PLXDC2: variants seen among roughly 807,000 people sequenced by gnomAD.
PLXDC2 encodes the protein plexin domain-containing protein 2.
A neutral mutation model predicts 68.9 loss-of-function variants in PLXDC2; 40 were observed. The observed-to-expected ratio is 0.58, with a 90% CI of 0.45 to 0.76. The LOEUF is 0.76. PLXDC2 is among the 30% of genes least tolerant of loss of function. PLXDC2 has a pLI of 0.00. For missense variants in PLXDC2, 644 were observed against 661.9 expected, an observed-to-expected ratio of 0.97 and a Z score of 0.30; for synonymous variants, 243 against 234.2, an observed-to-expected ratio of 1.04 and a Z score of -0.34.
intron 1 of PLXDC2, among the ~76,000 whole-genome samples, chr10:19,885,954 A>G (rs1238838953): frequency 6.6e-6 from 1 of 151,954 alleles, no homozygotes; most frequent in Non-Finnish European, 1.5e-5. Flanking sequence ...CAGTATGGCC[A>G]TTTTCATGAT....
At chr10:20,007,615 C>T (rs970618360) in intron 2 of PLXDC2, among the ~76,000 whole-genome samples, 22 of 152,216 alleles carry the variant, frequency 1.4e-4, no homozygotes, top group African/African-American at 4.8e-4. Context: ...AAAAGTGACT[C>T]AGAGATTGGG....
At chr10:20,003,424 C>G (rs1589580237) in intron 2 of PLXDC2, among the ~76,000 whole-genome samples, 1 of 149,168 alleles carries the variant, frequency 6.7e-6, no homozygotes, top group South Asian at 2.2e-4. Context: ...TAATTAGAAA[C>G]AGCATGTTTG....
intron 2 of PLXDC2, among the ~76,000 whole-genome samples, chr10:20,021,954 C>T (rs1044540892): frequency 6.6e-6 from 1 of 152,194 alleles, no homozygotes; most frequent in Non-Finnish European, 1.5e-5. Context: ...ACCTTGGCCT[C>T]CCAAAGTGCT....
rs184149408 is a variant in PLXDC2 at position 19,832,285 on chromosome 10, C to T, written c.112+15094C>T. Among the ~76,000 whole-genome samples, 459 of 152,334 alleles carry T rather than the reference C, an allele frequency of 3.0e-3. 1 individual carries two copies. Among genetic ancestry groups the T allele is most frequent in the African/African-American group, 0.01 (432 of 41,568 alleles). ...GACTTATTGAATAGCCCACAAAGGT[C>T]TATCTTGCATCTAATAAATGCATTG... On this transcript the variant is annotated intron_variant, in intron 1 of 13. Transcript: ENST00000377252.
At chr10:20,011,033 G>GATGAAAATTATTATTTTCAAT (rs1298276422) in intron 2 of PLXDC2, among the ~76,000 whole-genome samples, 2 of 152,190 alleles carry the variant, frequency 1.3e-5, no homozygotes, top group Admixed American at 6.5e-5. Context: ...AACATACTCA[G>GATGAAAATTATTATTTTCAAT]ATGAAAATTA....
chr10:20,101,883 C>T (rs1414475689), intron 4 of PLXDC2, among the ~76,000 whole-genome samples: 2 of 151,884 alleles, frequency 1.3e-5, no homozygotes, highest in African/African-American at 4.8e-5. Context: ...CTGCAACCTC[C>T]ACCTCCCAGG....
In PLXDC2 at chr10:20,219,080, A is replaced by G; in HGVS notation, c.1290A>G (p.Ala430=). 1 of 1,607,846 alleles carries G rather than the reference A, an allele frequency of 6.2e-7. No individual in the cohort carries two copies. Among genetic ancestry groups the G allele is most frequent in the African/African-American group, 1.3e-5 (1 of 74,856 alleles). The change falls in exon 12 of 14, where the codon GCA becomes GCG. Residue 430 remains alanine (A), a synonymous_variant. Transcript: ENST00000377252. ...SLPTEDDTKI[A]LHLKDNGAST... Reference sequence around the variant, plus strand: ...CTCTTCCAGATGATACCAAGATAGCACTACATCTAAAAGATAATGGAGGTA... The same window carrying G: ...CTCTTCCAGATGATACCAAGATAGCGCTACATCTAAAAGATAATGGAGGTA...
At chr10:20,098,912 A>G (rs555287402) in intron 4 of PLXDC2, among the ~76,000 whole-genome samples, 1 of 152,310 alleles carries the variant, frequency 6.6e-6, no homozygotes, top group South Asian at 2.1e-4. Context: ...TTGAAATTAG[A>G]CATCATCCTT....
Position 19,817,146 on chromosome 10 carries a change from G to A in PLXDC2, c.67G>A (p.Asp23Asn). ...GVMLLCHFFT[D>N]QFQFADGKPG... is the part of the protein sequence containing the mutation. ...TATGTTACTTTGCCACTTCTTCACG[G>A]ACCAGTTTCAGTTCGCCGATGGGAA... is the stretch of plus-strand genomic sequence containing the variant. Residue 23 changes from aspartate to asparagine, a missense_variant, in exon 1 of 14, where the codon GAC (aspartate) becomes AAC (asparagine). Transcript: ENST00000377252. 1 of 1,576,618 alleles carries A rather than the reference G, an allele frequency of 6.3e-7. No individual in the cohort carries two copies. The highest frequency in any genetic ancestry group is 1.1e-5 in the South Asian group (1 of 87,026).
intron 1 of PLXDC2, among the ~76,000 whole-genome samples, chr10:19,926,796 G>A (rs746214377): frequency 6.6e-5 from 10 of 152,164 alleles, no homozygotes; most frequent in Non-Finnish European, 1.2e-4. Flanking sequence ...ATGTGGTGTA[G>A]CAATGAGATG....
At chr10:20,276,332 C>T (rs139275195) in intron 13 of PLXDC2, among the ~76,000 whole-genome samples, 28 of 152,230 alleles carry the variant, frequency 1.8e-4, no homozygotes, top group South Asian at 6.2e-4. Context: ...GGGTGCCCTC[C>T]GGGTTTGTTT....
intron 9 of PLXDC2, among the ~76,000 whole-genome samples, chr10:20,185,912 C>T (rs1315672323): frequency 6.6e-6 from 1 of 151,926 alleles, no homozygotes; most frequent in Non-Finnish European, 1.5e-5. Flanking sequence ...TTCAGATAGA[C>T]ATTTAGAACT....
At chr10:20,119,000 T>G (rs146927940) in intron 4 of PLXDC2, among the ~76,000 whole-genome samples, 63 of 151,978 alleles carry the variant, frequency 4.1e-4, no homozygotes, top group East Asian at 5.8e-4. Flanking sequence ...GAATTAAATA[T>G]TGCTTGAAGG....
chr10:20,143,278 T>A lies in PLXDC2; in HGVS notation c.542-17T>A. On this transcript the variant is annotated splice_polypyrimidine_tract_variant and intron_variant, in intron 4 of 13. Transcript: ENST00000377252. ...GGCTTCTTTTTCTGAATATGTTTCC[T>A]ATTTTTCTAATTCTAGGTTTCATAT... 1 of 1,596,894 alleles carries A rather than the reference T, an allele frequency of 6.3e-7. No individual in the cohort carries two copies. The highest frequency in any genetic ancestry group is 8.5e-7 in the Non-Finnish European group (1 of 1,172,056).
intron 2 of PLXDC2, among the ~76,000 whole-genome samples, chr10:20,025,576 C>A (rs1835386223): frequency 6.6e-6 from 1 of 152,150 alleles, no homozygotes; most frequent in East Asian, 1.9e-4. Flanking sequence ...CTTTTTAATT[C>A]TAGCCATTCT....
intron 2 of PLXDC2, among the ~76,000 whole-genome samples, chr10:20,016,856 G>A (rs1003019792): frequency 5.9e-5 from 9 of 152,136 alleles, no homozygotes; most frequent in African/African-American, 1.7e-4. Flanking sequence ...CACTCCTTGC[G>A]GAATTCTGGA....
chr10:20,181,042 G>A (rs1196511777), intron 9 of PLXDC2, among the ~76,000 whole-genome samples: 2 of 152,020 alleles, frequency 1.3e-5, no homozygotes, highest in African/African-American at 4.8e-5. Flanking sequence ...GGTATACGGA[G>A]ACAGAGTTTA....
chr10:20,228,810 T>G (rs1040840249), intron 12 of PLXDC2, among the ~76,000 whole-genome samples: 34 of 151,998 alleles, frequency 2.2e-4, no homozygotes, highest in African/African-American at 8.2e-4. Flanking sequence ...CAAAAGAGAA[T>G]AAAATTTCAA....
chr10:20,081,288 A>T (rs1000863884), intron 4 of PLXDC2, among the ~76,000 whole-genome samples: 3 of 152,164 alleles, frequency 2.0e-5, no homozygotes, highest in Non-Finnish European at 4.4e-5. Flanking sequence ...AGGGAGGGGA[A>T]TAGGAAGCAG....
Sources: gnomAD v4.1 joint callset for allele counts (sites outside exome capture counted in the v4.1 genomes callset) on GRCh38, gnomAD v4.1.1 for gene constraint, MANE v1.5 for transcripts, NCBI Gene and HGNC (gene_info 2026-07-23, HGNC 2026-07-21) for gene names.